Variants in AVL9 observed in about 807,000 individuals in gnomAD.
AVL9 encodes the protein AVL9 cell migration associated.
A neutral mutation model predicts 79.2 loss-of-function variants in AVL9; 49 were observed. That is an observed-to-expected ratio of 0.62 (90% CI 0.49 to 0.79). The LOEUF (loss-of-function observed/expected upper bound fraction) is 0.79. Ranked by LOEUF, AVL9 falls within the 30% of genes least tolerant of loss-of-function variation. The probability of loss-of-function intolerance (pLI) is 0.00; values close to 1 mark genes in which losing one functional copy is unlikely to be tolerated. For missense variants in AVL9, 682 were observed against 776.8 expected (o/e 0.88, Z 1.45); for synonymous variants, 299 against 280.6 (o/e 1.07, Z -0.65).
intron 11 of AVL9, among the ~76,000 whole-genome samples, chr7:32,570,967 C>A: frequency 6.9e-6 from 1 of 145,706 alleles, no homozygotes; most frequent in Non-Finnish European, 1.5e-5. Flanking sequence ...CAGTGGCTCA[C>A]GCCTGTAATC....
intron 1 of AVL9, among the ~76,000 whole-genome samples, chr7:32,521,549 A>G (rs1217944169): frequency 6.6e-6 from 1 of 152,244 alleles, no homozygotes; most frequent in South Asian, 2.1e-4. Flanking sequence ...GCAGCAAAGC[A>G]TTCAAGAGGT....
intron 10 of AVL9, among the ~76,000 whole-genome samples, chr7:32,560,290 T>C (rs1401739960): frequency 2.0e-5 from 3 of 151,568 alleles, no homozygotes; most frequent in Admixed American, 2.0e-4. Context: ...AAAACTTAAA[T>C]AATAATGTTA....
At position 32,580,241 on chromosome 7, in the gene AVL9, T is replaced by C; in HGVS notation, c.1711T>C (p.Ser571Pro). The C allele has an allele frequency of 6.2e-7, 1 of 1,612,774 alleles. No individual in the cohort carries two copies. The highest frequency in any genetic ancestry group is 8.5e-7 in the Non-Finnish European group (1 of 1,179,454). The change falls in exon 14 of 16, where the codon TCA becomes CCA. Residue 571 changes from serine to proline, a missense_variant. By Grantham distance (74) the Ser-to-Pro change is moderately conservative. Transcript: ENST00000318709. ...CAGCCATCCATTTCAAGGCCAATAC[T>C]CAGTATCAGACATGAAGTTAAGGTT... ...NPNHPFQGQY[S>P]VSDMKLRFSH...
chr7:32,523,736 CTT>C (rs57458179), intron 1 of AVL9, among the ~76,000 whole-genome samples: 9 of 125,482 alleles, frequency 7.2e-5, no homozygotes, highest in Non-Finnish European at 1.1e-4. Context: ...CTTTTCTTTT[CTT>C]TTTTTTTTTT....
At chr7:32,576,706 A>G (rs980580575) in intron 13 of AVL9, among the ~76,000 whole-genome samples, 2 of 152,004 alleles carry the variant, frequency 1.3e-5, no homozygotes, top group Non-Finnish European at 2.9e-5. Context: ...GAATCCCTTG[A>G]ATCCAGGAGG....
intron 1 of AVL9, among the ~76,000 whole-genome samples, chr7:32,520,528 A>G (rs1035192527): frequency 3.3e-5 from 5 of 152,148 alleles, no homozygotes; most frequent in East Asian, 1.9e-4. Flanking sequence ...TGTAAGGTCT[A>G]TTTGCCCTGA....
At chr7:32,527,845 A>G (rs572982625) in intron 1 of AVL9, among the ~76,000 whole-genome samples, 12 of 152,116 alleles carry the variant, frequency 7.9e-5, no homozygotes, top group African/African-American at 2.2e-4. Context: ...ACCTCCCACA[A>G]TCATCTGAAT....
At chr7:32,571,147 ACTTGAAC>A (rs1405898572) in intron 11 of AVL9, among the ~76,000 whole-genome samples, 3 of 143,760 alleles carry the variant, frequency 2.1e-5, no homozygotes, top group Non-Finnish European at 4.5e-5. Context: ...CAGGAGAATC[ACTTGAAC>A]CTTGGAGGTG....
intron 1 of AVL9, among the ~76,000 whole-genome samples, chr7:32,516,124 A>G (rs998360702): frequency 1.3e-5 from 2 of 152,132 alleles, no homozygotes; most frequent in Non-Finnish European, 2.9e-5. Flanking sequence ...CTTAGGTCTA[A>G]AGTTCTGCTT....
intron 11 of AVL9, among the ~76,000 whole-genome samples, chr7:32,571,794 T>A (rs565585358): frequency 2.6e-5 from 4 of 152,312 alleles, no homozygotes; most frequent in Admixed American, 6.5e-5. Context: ...AGGAATTTTT[T>A]TTATTATTAT....
intron 10 of AVL9, among the ~76,000 whole-genome samples, chr7:32,566,181 T>TC (rs1554345294): frequency 5.9e-4 from 15 of 25,558 alleles, no homozygotes; most frequent in Admixed American, 1.1e-3. Flanking sequence ...ATTATTATTA[T>TC]TTTTTTTTTT....
At chr7:32,566,686 G>A (rs531949222) in intron 10 of AVL9, among the ~76,000 whole-genome samples, 152 of 151,214 alleles carry the variant, frequency 1.0e-3, no homozygotes, top group African/African-American at 3.5e-3. Context: ...AGACCATCCT[G>A]GCTAACACGG....
intron 13 of AVL9, among the ~76,000 whole-genome samples, chr7:32,576,989 A>C (rs892172368): frequency 2.2e-4 from 33 of 152,200 alleles, no homozygotes; most frequent in Admixed American, 2.1e-3. Flanking sequence ...TACAACAGAG[A>C]GCATTGAAGG....
chr7:32,541,806 C>T (rs1019865490), intron 1 of AVL9, among the ~76,000 whole-genome samples: 40 of 151,990 alleles, frequency 2.6e-4, no homozygotes, highest in African/African-American at 8.9e-4. Flanking sequence ...CCTCCACCTC[C>T]TGGGTTCAAG....
chr7:32,533,478 A>G (rs1360515961), intron 1 of AVL9: 1 of 152,208 alleles, frequency 6.6e-6, no homozygotes, highest in African/African-American at 2.4e-5. Context: ...ATACTTGACA[A>G]ATACAGTGAT....
intron 3 of AVL9, among the ~76,000 whole-genome samples, chr7:32,546,424 C>T (rs1789506299): frequency 6.6e-6 from 1 of 152,126 alleles, no homozygotes; most frequent in African/African-American, 2.4e-5. Context: ...CATGTTATGT[C>T]ATGAATAACT....
chr7:32,549,658 T>C (rs1404278098), intron 4 of AVL9, among the ~76,000 whole-genome samples: 1 of 151,056 alleles, frequency 6.6e-6, no homozygotes, highest in Non-Finnish European at 1.5e-5. Flanking sequence ...CTCACGCCTG[T>C]AATACCAGCA....
At chr7:32,529,240 A>G (rs566874187) in intron 1 of AVL9, among the ~76,000 whole-genome samples, 11 of 152,340 alleles carry the variant, frequency 7.2e-5, no homozygotes, top group Admixed American at 2.0e-4. Context: ...GAAATGGTTG[A>G]AGAAAGCAGA....
intron 8 of AVL9, 62 bp from the exon 9 acceptor site, chr7:32,558,497 T>G: frequency 7.9e-7 from 1 of 1,271,026 alleles, no homozygotes; most frequent in South Asian, 1.3e-5. Context: ...TCTTTTTTAT[T>G]TGTTATCATT....
Sources: allele counts gnomAD v4.1 joint callset (sites outside exome capture counted in the v4.1 genomes callset), GRCh38; gene constraint gnomAD v4.1.1; transcripts MANE v1.5; gene names NCBI Gene and HGNC (gene_info 2026-07-23, HGNC 2026-07-21).